CSMD2: variants seen among roughly 807,000 people sequenced by gnomAD.
CSMD2 encodes the protein CUB and sushi domain-containing protein 2.
CSMD2 carries 130 observed loss-of-function variants against 398.5 expected under a neutral mutation model. The observed-to-expected ratio is 0.33, with a 90% CI of 0.28 to 0.38. The LOEUF (loss-of-function observed/expected upper bound fraction) is 0.38, where lower values mean the gene tolerates loss of function less well. CSMD2 is among the 10% of genes least tolerant of loss of function. CSMD2 has a pLI of 1.00. For missense variants in CSMD2, 3,829 were observed against 4,764.9 expected, an observed-to-expected ratio of 0.80 and a Z score of 5.78; for synonymous variants, 1,828 against 1,908.5, an observed-to-expected ratio of 0.96 and a Z score of 1.10.
chr1:33,921,640 G>C (rs1397421178), intron 4 of CSMD2, among the ~76,000 whole-genome samples: 1 of 152,194 alleles, frequency 6.6e-6, no homozygotes, highest in Non-Finnish European at 1.5e-5. Context: ...AAATAGAGGG[G>C]TTCCAGGCAG....
At chr1:34,149,104 C>A (rs1192716845) in intron 1 of CSMD2, among the ~76,000 whole-genome samples, 1 of 152,238 alleles carries the variant, frequency 6.6e-6, no homozygotes, top group East Asian at 1.9e-4. Flanking sequence ...AATGCCATCT[C>A]TGGGCCTCCC....
At chr1:33,845,393 T>C (rs1661256983) in intron 6 of CSMD2, among the ~76,000 whole-genome samples, 1 of 152,256 alleles carries the variant, frequency 6.6e-6, no homozygotes. Flanking sequence ...TGCACAGATG[T>C]GGAATCGATG....
Position 33,635,034 on chromosome 1 carries a change from C to T in CSMD2, c.5086+180G>A, listed in dbSNP as rs570329622. On this transcript the variant is annotated intron_variant, in intron 31 of 70. Transcript: ENST00000373381. This position sits in a 1 kb window ranked among gnomAD's most constrained non-coding sequence, Gnocchi z 5.0. The stretch of plus-strand genomic sequence containing the variant: ...TTGTGCCCTTCTGCCCTCTTGTGTC[C>T]GGAATGTATTCTGCAGCCCGTTTGA... Among the ~76,000 whole-genome samples, 5 of 152,210 alleles carry T rather than the reference C, an allele frequency of 3.3e-5. No individual in the cohort carries two copies. Among genetic ancestry groups the T allele is most frequent in the Non-Finnish European group, 5.9e-5 (4 of 68,004 alleles).
Position 33,773,380 on chromosome 1 carries a change from G to A in CSMD2, c.1664-629C>T, listed in dbSNP as rs182462878. The stretch of plus-strand genomic sequence containing the variant: ...TTAATTCAATTTGCAATGGTAGCAG[G>A]TAAAATGAAACAAATGACTCATTGA... On this transcript the variant is annotated intron_variant, in intron 12 of 70. Transcript: ENST00000373381. Among the ~76,000 whole-genome samples the A allele has an allele frequency of 1.6e-3, 238 of 152,318 alleles. 2 individuals are homozygous for A. Among genetic ancestry groups the A allele is most frequent in the African/African-American group, 4.6e-3 (191 of 41,570 alleles).
chr1:33,708,396 A>G, intron 22 of CSMD2, among the ~76,000 whole-genome samples: 1 of 133,702 alleles, frequency 7.5e-6, no homozygotes, highest in Non-Finnish European at 1.7e-5. Flanking sequence ...GATCCCCAAA[A>G]CCAAATAAAT....
intron 43 of CSMD2, among the ~76,000 whole-genome samples, chr1:33,601,532 A>G (rs1640217215): frequency 6.6e-6 from 1 of 152,214 alleles, no homozygotes; most frequent in African/African-American, 2.4e-5. Flanking sequence ...AACCCAGGGC[A>G]GTCTGGTTAC....
chr1:33,903,334 C>CTT (rs71676114), intron 5 of CSMD2, among the ~76,000 whole-genome samples: 57 of 144,444 alleles, frequency 3.9e-4, no homozygotes, highest in South Asian at 1.3e-3. Flanking sequence ...GACTGCTGAG[C>CTT]TTTTTTTTTT....
intron 1 of CSMD2, among the ~76,000 whole-genome samples, chr1:34,137,658 G>A (rs1399947172): frequency 6.6e-6 from 1 of 152,154 alleles, no homozygotes; most frequent in Non-Finnish European, 1.5e-5. Flanking sequence ...GCCCAACCTG[G>A]CCCAACCTGG....
intron 3 of CSMD2, among the ~76,000 whole-genome samples, chr1:33,979,657 C>A (rs1646093935): frequency 6.6e-6 from 1 of 152,122 alleles, no homozygotes; most frequent in Non-Finnish European, 1.5e-5. Flanking sequence ...GAGACAGCAG[C>A]CATTTTGTTG....
chr1:33,544,286 T>C (rs943547996), intron 57 of CSMD2, among the ~76,000 whole-genome samples: 1 of 150,512 alleles, frequency 6.6e-6, no homozygotes, highest in Non-Finnish European at 1.5e-5. Context: ...TTTTTTTTTT[T>C]TTTTGTATTT....
chr1:33,530,707 G>A (rs1655157775), intron 64 of CSMD2, among the ~76,000 whole-genome samples: 1 of 152,084 alleles, frequency 6.6e-6, no homozygotes, highest in Admixed American at 6.6e-5. Context: ...GTCCATCAGT[G>A]GATGAATGGA....
chr1:33,612,514 T>C (rs1641075130), intron 40 of CSMD2, among the ~76,000 whole-genome samples: 1 of 152,216 alleles, frequency 6.6e-6, no homozygotes, highest in Non-Finnish European at 1.5e-5. Context: ...ATACAGTTTT[T>C]TACATAATAT....
intron 6 of CSMD2, among the ~76,000 whole-genome samples, chr1:33,844,026 C>T (rs541552620): frequency 6.6e-6 from 1 of 152,358 alleles, no homozygotes; most frequent in Non-Finnish European, 1.5e-5. Context: ...TCCACCCTCA[C>T]CTCTGTACAT....
At chr1:33,545,046 C>T (rs983611082) in intron 57 of CSMD2, among the ~76,000 whole-genome samples, 1 of 152,072 alleles carries the variant, frequency 6.6e-6, no homozygotes, top group Non-Finnish European at 1.5e-5. Flanking sequence ...TAATGATCCC[C>T]CCACCTTAAG....
chr1:33,779,926 G>A (rs1461304088), intron 12 of CSMD2, among the ~76,000 whole-genome samples: 1 of 152,186 alleles, frequency 6.6e-6, no homozygotes, highest in Non-Finnish European at 1.5e-5. Flanking sequence ...ATGGAGGAGA[G>A]GATGGAAGGA....
intron 5 of CSMD2, among the ~76,000 whole-genome samples, chr1:33,847,824 A>G (rs1234450669): frequency 6.6e-6 from 1 of 152,166 alleles, no homozygotes; most frequent in Non-Finnish European, 1.5e-5. Flanking sequence ...CATGGGGATC[A>G]TGATGACCCC....
chr1:33,909,632 A>G (rs1206172422), intron 5 of CSMD2, among the ~76,000 whole-genome samples: 1 of 152,118 alleles, frequency 6.6e-6, no homozygotes, highest in African/African-American at 2.4e-5. Context: ...GCTGGTAATG[A>G]AGATGAAATG....
rs758042212 is a variant in CSMD2, at chr1:33,725,391, C to T, written c.2653G>A (p.Asp885Asn). The T allele has an allele frequency of 2.5e-6, 4 of 1,614,004 alleles. No homozygotes were observed. Among genetic ancestry groups the T allele is most frequent in the South Asian group, 1.1e-5 (1 of 91,040 alleles). Residue 885 changes from aspartate (D) to asparagine (N), a missense_variant, in exon 17 of 71, where the codon GAC becomes AAC. This residue lies in a region of CSMD2 where 2,001 missense variants were observed against 2,567.1 expected (regional missense o/e 0.78). Coordinates refer to ENST00000373381, the MANE Select transcript of CSMD2 (RefSeq NM_001281956.2). The stretch of plus-strand genomic sequence containing the variant: ...AAGCCGATGTCCGAGTGACTCTTGT[C>T]GGTAGAGAAGAGGAGGTAGAGGTAG... ...SNYLYLLFST[D>N]KSHSDIGFQL...
chr1:33,623,738 T>C (rs368927509), intron 35 of CSMD2, among the ~76,000 whole-genome samples: 1 of 152,202 alleles, frequency 6.6e-6, no homozygotes, highest in African/African-American at 2.4e-5. Context: ...TTCCAGGAAG[T>C]GGAAAGACAG....
Sources: gnomAD v4.1 joint callset for allele counts (sites outside exome capture counted in the v4.1 genomes callset) on GRCh38, gnomAD v4.1.1 for gene constraint, gnomAD v4.1.1 regional missense constraint, Gnocchi (gnomAD v3.1) non-coding constraint, MANE v1.5 for transcripts, NCBI Gene and HGNC (gene_info 2026-07-23, HGNC 2026-07-21) for gene names.